TLK2: variants seen among roughly 807,000 people sequenced by gnomAD.
TLK2 encodes tousled like kinase 2, also known as serine/threonine-protein kinase tousled-like 2.
In TLK2, 6 loss-of-function variants were observed where a neutral mutation model predicts 117.3. The ratio of observed to expected loss-of-function variants is 0.05; its 90% confidence interval spans 0.03 to 0.10. The LOEUF (loss-of-function observed/expected upper bound fraction) is 0.10. Ranked by LOEUF, TLK2 falls within the 10% of genes least tolerant of loss-of-function variation. The pLI, the probability that TLK2 is intolerant of heterozygous loss-of-function variation, is 1.00. For synonymous variants in TLK2, 257 were observed against 316.7 expected (o/e 0.81, Z 2.00); for missense variants, 299 against 901.2 (o/e 0.33, Z 8.56).
At chr17:62,607,677 A>G (rs1329080540) in intron 20 of TLK2, among the ~76,000 whole-genome samples, 1 of 152,020 alleles carries the variant, frequency 6.6e-6, no homozygotes, top group African/African-American at 2.4e-5. Context: ...CCTGAGGCAC[A>G]GGTGTGTATT....
chr17:62,518,748 A>T (rs1202116649), intron 2 of TLK2, among the ~76,000 whole-genome samples: 1 of 152,122 alleles, frequency 6.6e-6, no homozygotes, highest in Non-Finnish European at 1.5e-5. Flanking sequence ...AATGATTAAG[A>T]AGAACAATTC....
At chr17:62,568,536 A>G (rs1292242867) in intron 11 of TLK2, among the ~76,000 whole-genome samples, 1 of 152,106 alleles carries the variant, frequency 6.6e-6, no homozygotes, top group Non-Finnish European at 1.5e-5. Flanking sequence ...ACAGCATTGT[A>G]ATGCTAGTCC....
At chr17:62,525,234 T>G (rs992845235) in intron 6 of TLK2, among the ~76,000 whole-genome samples, 19 of 152,144 alleles carry the variant, frequency 1.2e-4, no homozygotes, top group Non-Finnish European at 2.6e-4. Context: ...TTTCTTTGCC[T>G]TGGTAGAGTT....
At chr17:62,491,359 T>C (rs1369028800) in intron 2 of TLK2, among the ~76,000 whole-genome samples, 2 of 152,320 alleles carry the variant, frequency 1.3e-5, no homozygotes, top group Non-Finnish European at 1.5e-5. Context: ...AGAAAGGCCA[T>C]GAGAGGGAAA....
At chr17:62,554,487 C>A (rs1216335845) in intron 9 of TLK2, among the ~76,000 whole-genome samples, 1 of 152,076 alleles carries the variant, frequency 6.6e-6, no homozygotes, top group Non-Finnish European at 1.5e-5. Context: ...GAGGCTGAGA[C>A]AGGAGAATTG....
intron 15 of TLK2, 59 bp from the exon 16 acceptor site, chr17:62,586,076 A>G: frequency 1.5e-6 from 2 of 1,299,520 alleles, no homozygotes; most frequent in Non-Finnish European, 2.2e-6. Flanking sequence ...AAAGCTTCAC[A>G]TCAGTTACCT....
intron 11 of TLK2, among the ~76,000 whole-genome samples, chr17:62,567,373 T>C (rs2079880640): frequency 6.6e-6 from 1 of 152,200 alleles, no homozygotes; most frequent in African/African-American, 2.4e-5. Context: ...GACTTTGCTA[T>C]AGAGCCACCA....
chr17:62,472,993 C>T (rs2144192471), intron 1 of TLK2, among the ~76,000 whole-genome samples: 1 of 152,278 alleles, frequency 6.6e-6, no homozygotes, highest in East Asian at 1.9e-4. Flanking sequence ...ACAAATTGTC[C>T]ACTTACAAGC....
chr17:62,606,862 GTGTT>G (rs1182413876), intron 20 of TLK2, among the ~76,000 whole-genome samples: 3 of 152,120 alleles, frequency 2.0e-5, no homozygotes, highest in African/African-American at 2.4e-5. Context: ...CTGTTTTTGT[GTGTT>G]TGTTTGTTTC....
chr17:62,542,854 A>G (rs2077634848), intron 7 of TLK2, among the ~76,000 whole-genome samples: 1 of 152,230 alleles, frequency 6.6e-6, no homozygotes, highest in South Asian at 2.1e-4. Context: ...TTTTTATGCC[A>G]AAGTATTTTA....
intron 7 of TLK2, chr17:62,551,841 C>G (rs1294852318): frequency 5.7e-6 from 1 of 174,068 alleles, no homozygotes; most frequent in African/African-American, 2.4e-5. Flanking sequence ...TATTAGAAAT[C>G]AACCTGGATT....
chr17:62,591,842 C>T (rs1047023774), intron 16 of TLK2, among the ~76,000 whole-genome samples: 6 of 152,094 alleles, frequency 3.9e-5, no homozygotes, highest in African/African-American at 9.7e-5. Context: ...TACCGTACTA[C>T]GGAAAGTGTG....
intron 11 of TLK2, among the ~76,000 whole-genome samples, chr17:62,568,161 G>T (rs879406717): frequency 3.3e-5 from 5 of 151,986 alleles, no homozygotes; most frequent in African/African-American, 4.8e-5. Context: ...GCCAGATGTG[G>T]TGGCTCCCAC....
intron 2 of TLK2, among the ~76,000 whole-genome samples, chr17:62,511,065 C>G (rs1259509760): frequency 6.6e-6 from 1 of 152,148 alleles, no homozygotes; most frequent in Non-Finnish European, 1.5e-5. Flanking sequence ...ATGTATAATT[C>G]TAGTATGTTA....
At chr17:62,540,149 G>C (rs1467369154) in intron 7 of TLK2, among the ~76,000 whole-genome samples, 1 of 138,780 alleles carries the variant, frequency 7.2e-6, no homozygotes, top group South Asian at 2.3e-4. Flanking sequence ...TGTTACCTAG[G>C]CTGTTCTTGA....
chr17:62,509,042 C>T (rs982422973), intron 2 of TLK2, among the ~76,000 whole-genome samples: 1 of 152,190 alleles, frequency 6.6e-6, no homozygotes, highest in Non-Finnish European at 1.5e-5. Context: ...AAACTACTTC[C>T]TCCTCTCTAG....
Position 62,565,073 on chromosome 17 carries a change from G to A in TLK2, c.904G>A (p.Val302Ile). ...DRLRLGHFTTVRHGASFTEQW... is the reference protein window; with the variant it reads ...DRLRLGHFTTIRHGASFTEQW... Reference sequence around the variant, plus strand: ...CTTGAGACTGGGCCACTTTACTACTGTCCGACACGGAGCCTCATTTACTGA... The same window carrying A: ...CTTGAGACTGGGCCACTTTACTACTATCCGACACGGAGCCTCATTTACTGA... Residue 302 changes from valine (V) to isoleucine (I), a missense_variant, in exon 11 of 22, where the codon GTC (valine) becomes ATC (isoleucine). This residue lies in a region of TLK2 where 94 missense variants were observed against 282.6 expected (regional missense o/e 0.33). Transcript: ENST00000346027. 1 of 1,614,086 alleles carries A rather than the reference G, an allele frequency of 6.2e-7. No homozygotes were observed. The highest frequency in any genetic ancestry group is 8.5e-7 in the Non-Finnish European group (1 of 1,179,996).
intron 19 of TLK2, among the ~76,000 whole-genome samples, chr17:62,603,874 T>G (rs1243720657): frequency 6.6e-6 from 1 of 152,178 alleles, no homozygotes; most frequent in Non-Finnish European, 1.5e-5. Context: ...ATCACTATCT[T>G]CAGTATGTCA....
chr17:62,545,185 C>T (rs1393680477), intron 7 of TLK2, among the ~76,000 whole-genome samples: 1 of 152,066 alleles, frequency 6.6e-6, no homozygotes, highest in Non-Finnish European at 1.5e-5. Flanking sequence ...TGCCACTATG[C>T]CCAACTAATT....
Sources: allele counts gnomAD v4.1 joint callset (sites outside exome capture counted in the v4.1 genomes callset), GRCh38; gene constraint gnomAD v4.1.1; regional missense constraint gnomAD v4.1.1; transcripts MANE v1.5; gene names NCBI Gene and HGNC (gene_info 2026-07-23, HGNC 2026-07-21).